GABRG3: variants seen among roughly 807,000 people sequenced by gnomAD.
GABRG3 encodes gamma-aminobutyric acid receptor subunit gamma-3.
GABRG3 carries 25 observed loss-of-function variants against 48.8 expected under a neutral mutation model. That is an observed-to-expected ratio of 0.51 (90% CI 0.37 to 0.72). The LOEUF (loss-of-function observed/expected upper bound fraction) is 0.72. GABRG3 is among the 30% of genes least tolerant of loss of function. The pLI, the probability that GABRG3 is intolerant of heterozygous loss-of-function variation, is 0.00. For synonymous variants in GABRG3, 227 were observed against 217.6 expected (o/e 1.04, Z -0.38); for missense variants, 394 against 577.9 (o/e 0.68, Z 3.26).
At chr15:27,171,934 G>T (rs909449855) in intron 3 of GABRG3, among the ~76,000 whole-genome samples, 7 of 152,190 alleles carry the variant, frequency 4.6e-5, no homozygotes, top group African/African-American at 9.7e-5. Flanking sequence ...CAAGAGCATG[G>T]TGCTGGCATC....
At chr15:27,154,022 C>A (rs1252941677) in intron 3 of GABRG3, among the ~76,000 whole-genome samples, 1 of 152,158 alleles carries the variant, frequency 6.6e-6, no homozygotes, top group African/African-American at 2.4e-5. Context: ...GTTAACCTTA[C>A]TAGGAGTTGG....
chr15:27,097,732 CG>C (rs942866082), intron 3 of GABRG3, among the ~76,000 whole-genome samples: 11 of 151,996 alleles, frequency 7.2e-5, no homozygotes, highest in African/African-American at 2.7e-4. Flanking sequence ...TGGCAGTGAG[CG>C]GGTCAAGGCC....
chr15:27,240,732 G>A (rs532082139), intron 3 of GABRG3, among the ~76,000 whole-genome samples: 18 of 152,006 alleles, frequency 1.2e-4, no homozygotes, highest in East Asian at 5.8e-4. Context: ...ACATTTTTTC[G>A]TTTAGATCTG....
chr15:27,138,422 T>C lies in GABRG3; in HGVS notation c.270+111601T>C, dbSNP rs138563266. Among the ~76,000 whole-genome samples, 51 of 152,354 alleles carry C rather than the reference T, an allele frequency of 3.3e-4. No homozygotes were observed. The East Asian group carries it at 6.8e-3, about 20-fold the overall frequency. The stretch of plus-strand genomic sequence containing the variant: ...ACATCCTTTCTCATCAAACTCTGTT[T>C]TTCCTTGGACTAAAAAATGGGCACT... On this transcript the variant is annotated intron_variant, in intron 3 of 9. Coordinates refer to ENST00000615808, the MANE Select transcript of GABRG3 (RefSeq NM_033223.5).
chr15:27,125,919 G>A (rs1481139714), intron 3 of GABRG3, among the ~76,000 whole-genome samples: 1 of 152,202 alleles, frequency 6.6e-6, no homozygotes, highest in Non-Finnish European at 1.5e-5. Flanking sequence ...CCTCTTAATA[G>A]AATGAGGGCA....
intron 5 of GABRG3, among the ~76,000 whole-genome samples, chr15:27,413,760 G>A (rs1406737930): frequency 6.6e-6 from 1 of 152,136 alleles, no homozygotes; most frequent in African/African-American, 2.4e-5. Flanking sequence ...TAATTTTGCA[G>A]TTATGTCTAA....
chr15:27,248,621 C>T (rs1290757514), intron 3 of GABRG3, among the ~76,000 whole-genome samples: 14 of 152,078 alleles, frequency 9.2e-5, no homozygotes, highest in Admixed American at 4.6e-4. Context: ...GTGTACCTGC[C>T]CTGTACTGCC....
intron 3 of GABRG3, among the ~76,000 whole-genome samples, chr15:27,221,006 T>A (rs1889436184): frequency 2.6e-5 from 4 of 152,124 alleles, no homozygotes; most frequent in Admixed American, 2.6e-4. Context: ...TTTTTTCTTT[T>A]TTCTGCCTTT....
Position 27,359,176 on chromosome 15 carries a change from T to C in GABRG3, c.574+30288T>C, listed in dbSNP as rs534937231. Among the ~76,000 whole-genome samples the C allele has an allele frequency of 2.6e-5, 4 of 152,298 alleles. No individual in the cohort carries two copies. The East Asian group carries it at 7.8e-4, about 30-fold the overall frequency. On this transcript the variant is annotated intron_variant, in intron 5 of 9. Transcript: ENST00000615808. ...TGTCAGGTCTCCCACTGCACCAAGA[T>C]TGACTACATGCAGGGCGGCTGAGCT...
intron 3 of GABRG3, among the ~76,000 whole-genome samples, chr15:27,042,177 C>A (rs1239838784): frequency 6.6e-6 from 1 of 152,166 alleles, no homozygotes; most frequent in Non-Finnish European, 1.5e-5. Flanking sequence ...CCATCTGCCT[C>A]CCCTCTCAGC....
chr15:27,295,817 C>T (rs867599106), intron 3 of GABRG3, among the ~76,000 whole-genome samples: 2 of 152,162 alleles, frequency 1.3e-5, no homozygotes, highest in East Asian at 1.9e-4. Context: ...CTGAGTCCCA[C>T]TCCTAAAAGG....
intron 3 of GABRG3, among the ~76,000 whole-genome samples, chr15:27,197,640 G>C (rs749505688): frequency 1.3e-5 from 2 of 152,100 alleles, no homozygotes; most frequent in Non-Finnish European, 2.9e-5. Flanking sequence ...TCAAAAGAAA[G>C]AATTAAGGAT....
intron 2 of GABRG3, among the ~76,000 whole-genome samples, chr15:27,001,888 G>GTTTGTTTTTTTTTTTTTTTTTTTTTTTTT (rs1555397292): frequency 8.2e-6 from 1 of 121,230 alleles, no homozygotes; most frequent in African/African-American, 3.2e-5. Context: ...CCATAACTCA[G>GTTTGTTTTTTTTTTTTTTTTTTTTTTTTT]TTTTTTTTTT....
chr15:27,309,185 C>A (rs985576460), intron 3 of GABRG3, among the ~76,000 whole-genome samples: 1 of 145,992 alleles, frequency 6.8e-6, no homozygotes, highest in South Asian at 2.1e-4. Context: ...TATATAGAAA[C>A]ACATATAATG....
At chr15:27,308,505 A>G (rs1379492614) in intron 3 of GABRG3, among the ~76,000 whole-genome samples, 5 of 148,300 alleles carry the variant, frequency 3.4e-5, no homozygotes, top group African/African-American at 1.2e-4. Flanking sequence ...TGTTTTATAT[A>G]AACATAATGT....
chr15:27,304,256 G>C (rs1430675497), intron 3 of GABRG3, among the ~76,000 whole-genome samples: 1 of 151,686 alleles, frequency 6.6e-6, no homozygotes, highest in Admixed American at 6.6e-5. Flanking sequence ...AAATTGGAGA[G>C]GAAGACATGA....
At chr15:27,110,969 A>C (rs1361074612) in intron 3 of GABRG3, among the ~76,000 whole-genome samples, 1 of 152,134 alleles carries the variant, frequency 6.6e-6, no homozygotes, top group East Asian at 1.9e-4. Flanking sequence ...TATTACTTCA[A>C]ATATTCCTTC....
chr15:27,390,811 G>A lies in GABRG3; in HGVS notation c.574+61923G>A, dbSNP rs547204376. ...TCTGATAAAAAGACATAATCAGGCCGGGCACGGTGGCTCATGCCTGTAATC... is the reference window on the plus strand; with the variant it reads ...TCTGATAAAAAGACATAATCAGGCCAGGCACGGTGGCTCATGCCTGTAATC... On this transcript the variant is annotated intron_variant, in intron 5 of 9. Transcript: ENST00000615808. Among the ~76,000 whole-genome samples, 198 of 152,254 alleles carry A rather than the reference G, an allele frequency of 1.3e-3. 1 individual carries two copies. The highest frequency in any genetic ancestry group is 6.8e-3 in the Middle Eastern group (2 of 294).
chr15:27,445,111 G>A (rs1031780829), intron 5 of GABRG3, among the ~76,000 whole-genome samples: 1 of 152,156 alleles, frequency 6.6e-6, no homozygotes, highest in African/African-American at 2.4e-5. Flanking sequence ...GACCTGAGGT[G>A]ATCCACCCGC....
Sources: gnomAD v4.1 joint callset for allele counts (sites outside exome capture counted in the v4.1 genomes callset) on GRCh38, gnomAD v4.1.1 for gene constraint, MANE v1.5 for transcripts, NCBI Gene and HGNC (gene_info 2026-07-23, HGNC 2026-07-21) for gene names.